TTPAL: variants seen among roughly 807,000 people sequenced by gnomAD.
The protein encoded by TTPAL is alpha tocopherol transfer protein like, also known as alpha-tocopherol transfer protein-like.
A neutral mutation model predicts 28.7 loss-of-function variants in TTPAL; 21 were observed. That is an observed-to-expected ratio of 0.73 (90% CI 0.52 to 1.06). The LOEUF (loss-of-function observed/expected upper bound fraction) is 1.06, where lower values mean the gene tolerates loss of function less well. Among genes scored for constraint, TTPAL ranks in the 50% least tolerant of loss-of-function variants. TTPAL has a pLI of 0.00. For synonymous variants in TTPAL, 169 were observed against 171.9 expected (o/e 0.98, Z 0.13); for missense variants, 345 against 425.5 (o/e 0.81, Z 1.67).
chr20:44,477,365 T>C (rs2064053559), intron 1 of TTPAL, among the ~76,000 whole-genome samples: 2 of 152,232 alleles, frequency 1.3e-5, no homozygotes, highest in South Asian at 2.1e-4. Flanking sequence ...TCTAACACCA[T>C]GTTAGGCGCT....
chr20:44,476,355 G>T (rs2064043161), intron 1 of TTPAL, among the ~76,000 whole-genome samples: 1 of 152,240 alleles, frequency 6.6e-6, no homozygotes, highest in South Asian at 2.1e-4. Flanking sequence ...CTGTGACTGA[G>T]TCCTGCTGAG....
At position 44,492,194 on chromosome 20, in the gene TTPAL, A is replaced by T. The variant is rs1229001296; in HGVS notation, c.*2653A>T. Reference sequence around the variant, plus strand: ...GTGGTCTCCTTGTGGCTTCACCAGGATGTTTGTGTCAGGCTGTCTCAGCAG... The same window carrying T: ...GTGGTCTCCTTGTGGCTTCACCAGGTTGTTTGTGTCAGGCTGTCTCAGCAG... On this transcript the variant is annotated 3_prime_UTR_variant, in exon 5 of 5. Transcript: ENST00000262605. 1 of 152,266 alleles carries T rather than the reference A, an allele frequency of 6.6e-6. No individual in the cohort carries two copies. The highest frequency in any genetic ancestry group is 1.5e-5 in the Non-Finnish European group (1 of 68,032). 9.4% of individuals were successfully genotyped at this position (152,266 alleles called of 1,614,324 possible).
In TTPAL at chr20:44,489,944, G is replaced by A. The variant is rs867712488; in HGVS notation, c.*403G>A. 5.2e-6 allele frequency: 1 copy of A among 191,664 alleles called. No individual in the cohort carries two copies. The highest frequency in any genetic ancestry group is 2.3e-5 in the African/African-American group (1 of 42,600). 11.9% of individuals were successfully genotyped at this position (191,664 alleles called of 1,614,324 possible). On this transcript the variant is annotated 3_prime_UTR_variant, in exon 5 of 5. Coordinates refer to ENST00000262605, the MANE Select transcript of TTPAL (RefSeq NM_001039199.3). ...CCTGTTTGGCCAGTGAGAACTACTT[G>A]TATGAAATAATTTGGCCAAACCTTC...
Position 44,490,728 on chromosome 20 carries a change from C to T in TTPAL, c.*1187C>T, listed in dbSNP as rs763943370. ...TGATGAATTCCTTCCATCCCTGAGA[C>T]TCTGGTACTATATTGTAAACCTGGC... On this transcript the variant is annotated 3_prime_UTR_variant, in exon 5 of 5. Coordinates refer to ENST00000262605, the MANE Select transcript of TTPAL (RefSeq NM_001039199.3). The T allele has an allele frequency of 7.9e-5, 12 of 152,198 alleles. No individual in the cohort carries two copies. In the South Asian group the frequency reaches 1.0e-3, roughly 13 times the overall value. 9.4% of individuals were successfully genotyped at this position (152,198 alleles called of 1,614,324 possible).
At chr20:44,477,699 A>T (rs1248457081) in intron 1 of TTPAL, among the ~76,000 whole-genome samples, 2 of 151,826 alleles carry the variant, frequency 1.3e-5, no homozygotes, top group African/African-American at 4.8e-5. Context: ...CTGTCGCCCA[A>T]GCTGGAGTGC....
Position 44,489,521 on chromosome 20 carries a change from C to T in TTPAL, c.1009C>T (p.Gln337Ter). 9 of 1,613,900 alleles carry T rather than the reference C, an allele frequency of 5.6e-6. No individual in the cohort carries two copies. The highest frequency in any genetic ancestry group is 7.6e-6 in the Non-Finnish European group (9 of 1,179,756). Reference protein sequence around the residue: ...CDDSLRAVKSQLYSCY With the variant: ...CDDSLRAVKS ...CGACTCCTTGCGAGCTGTGAAGTCA[C>T]AGCTGTACTCCTGCTACTAGCCCGT... The change falls in exon 5 of 5, where the codon CAG becomes TAG. Residue 337 changes from glutamine to a stop codon, truncating the protein, a stop_gained. Coordinates refer to ENST00000262605, the MANE Select transcript of TTPAL (RefSeq NM_001039199.3). LOFTEE classifies it high-confidence loss of function.
chr20:44,478,793 T>TTTTG (rs951948815), intron 1 of TTPAL: 4 of 152,282 alleles, frequency 2.6e-5, no homozygotes, highest in South Asian at 2.1e-4. Flanking sequence ...TTTTCGCTTT[T>TTTTG]TTTGTTTGTT....
chr20:44,493,022 C>T lies in TTPAL; in HGVS notation c.*3481C>T, dbSNP rs1233536809. On this transcript the variant is annotated 3_prime_UTR_variant, in exon 5 of 5. Transcript: ENST00000262605. ...ACAAGGCCGGGAGCGGTGGCTCACA[C>T]CTGTAATCCCAACACTTTGAGCGGC... The T allele has an allele frequency of 6.6e-6, 1 of 152,340 alleles. No homozygotes were observed. Among genetic ancestry groups the T allele is most frequent in the Non-Finnish European group, 1.5e-5 (1 of 68,044 alleles). 9.4% of individuals were successfully genotyped at this position (152,340 alleles called of 1,614,324 possible).
chr20:44,477,484 G>A (rs1426985686), intron 1 of TTPAL, among the ~76,000 whole-genome samples: 1 of 152,076 alleles, frequency 6.6e-6, no homozygotes, highest in Non-Finnish European at 1.5e-5. Context: ...CTGGCTGGGG[G>A]TCAGTGAAGG....
At position 44,494,561 on chromosome 20, in the gene TTPAL, T is replaced by G. The variant is rs2064237400; in HGVS notation, c.*5020T>G. On this transcript the variant is annotated 3_prime_UTR_variant, in exon 5 of 5. Coordinates refer to ENST00000262605, the MANE Select transcript of TTPAL (RefSeq NM_001039199.3). ...GTGAAAATATGTAATAATTTTAGTA[T>G]GCATGACTCAGTCTGAAACAATAAA... 1.3e-5 allele frequency: 2 copies of G among 152,742 alleles called. No individual in the cohort carries two copies. The highest frequency in any genetic ancestry group is 4.8e-5 in the African/African-American group (2 of 41,424). The allele number at this position is 152,742 out of a possible 1,614,324, so 9.5% of individuals were successfully genotyped here. A position where few individuals can be genotyped will look rare whatever the true frequency, so the allele number is the denominator to read the frequency against.
chr20:44,494,350 G>A lies in TTPAL; in HGVS notation c.*4809G>A, dbSNP rs1276440552. The A allele has an allele frequency of 6.5e-6, 1 of 152,748 alleles. No homozygotes were observed. The allele number at this position is 152,748 out of a possible 1,614,324, so 9.5% of individuals were successfully genotyped here. A position where few individuals can be genotyped will look rare whatever the true frequency, so the allele number is the denominator to read the frequency against. On this transcript the variant is annotated 3_prime_UTR_variant, in exon 5 of 5. Coordinates refer to ENST00000262605, the MANE Select transcript of TTPAL (RefSeq NM_001039199.3). ...GAAACCTCTCTGACCAAGAGCCTCT[G>A]ATGGAGTGGGAGGTGAGCTAATTCT...
intron 1 of TTPAL, chr20:44,478,481 G>A (rs904393718): frequency 3.3e-5 from 5 of 152,192 alleles, no homozygotes; most frequent in African/African-American, 7.2e-5. Flanking sequence ...CAGCCACTGG[G>A]GCCCTTTATC....
chr20:44,484,675 T>C, intron 3 of TTPAL, 145 bp downstream of exon 3: 3 of 577,286 alleles, frequency 5.2e-6, no homozygotes, highest in Non-Finnish European at 8.8e-6. Context: ...TGGGAAGAAA[T>C]TTAAAAGTCC....
intron 3 of TTPAL, among the ~76,000 whole-genome samples, chr20:44,485,493 C>T (rs941623197): frequency 1.4e-4 from 22 of 152,296 alleles, no homozygotes; most frequent in Middle Eastern, 3.4e-3. Flanking sequence ...TGACCCACCA[C>T]GTGGGGTGTT....
At position 44,489,490 on chromosome 20, in the gene TTPAL, G is replaced by C. The variant is rs758603362; in HGVS notation, c.978G>C (p.Gln326His). The C allele has an allele frequency of 1.1e-5, 17 of 1,614,226 alleles. No individual in the cohort carries two copies. Among genetic ancestry groups the C allele is most frequent in the Non-Finnish European group, 1.4e-5 (17 of 1,180,044 alleles). ...LLPEGLTSDA[Q>H]CDDSLRAVKS... ...CCGAGGGCCTGACCTCAGATGCACA[G>C]TGTGACGACTCCTTGCGAGCTGTGA... Residue 326 changes from glutamine (Q) to histidine (H), a missense_variant, in exon 5 of 5, where the codon CAG (glutamine) becomes CAC (histidine). Transcript: ENST00000262605.
At chr20:44,477,215 CTGA>C (rs1436735112) in intron 1 of TTPAL, among the ~76,000 whole-genome samples, 4 of 152,174 alleles carry the variant, frequency 2.6e-5, no homozygotes, top group South Asian at 4.1e-4. Context: ...CTTGTGAACA[CTGA>C]TGTTTGATGG....
At chr20:44,479,617 T>C (rs1487571597) in intron 1 of TTPAL, among the ~76,000 whole-genome samples, 1 of 152,046 alleles carries the variant, frequency 6.6e-6, no homozygotes, top group Non-Finnish European at 1.5e-5. Context: ...GCTGGTCAGG[T>C]GATCCGCCTG....
In TTPAL at chr20:44,493,128, C is replaced by CA. The variant is rs1334621699; in HGVS notation, c.*3593dup. 6.6e-6 allele frequency: 1 copy of CA among 151,962 alleles called. No individual in the cohort carries two copies. Among genetic ancestry groups the CA allele is most frequent in the African/African-American group, 2.4e-5 (1 of 41,336 alleles). The allele number at this position is 151,962 out of a possible 1,614,324, so 9.4% of individuals were successfully genotyped here. A position where few individuals can be genotyped will look rare whatever the true frequency, so the allele number is the denominator to read the frequency against. ...TGAAACCCCGTCTCTACTAAAAATA[C>CA]AAAAAATTGGCTGGGCATGGTGGTG... On this transcript the variant is annotated 3_prime_UTR_variant, in exon 5 of 5. Transcript: ENST00000262605.
chr20:44,477,089 C>T (rs1483676263), intron 1 of TTPAL, among the ~76,000 whole-genome samples: 2 of 152,078 alleles, frequency 1.3e-5, no homozygotes, highest in African/African-American at 4.8e-5. Flanking sequence ...CAGAAGTGCA[C>T]GAGTTATTCC....
Sources: gnomAD v4.1 joint callset for allele counts (sites outside exome capture counted in the v4.1 genomes callset) on GRCh38, gnomAD v4.1.1 for gene constraint, MANE v1.5 for transcripts, NCBI Gene and HGNC (gene_info 2026-07-23, HGNC 2026-07-21) for gene names.